Variants in ARHGEF4 observed in about 807,000 individuals in gnomAD.
ARHGEF4 encodes the protein APC-stimulated guanine nucleotide exchange factor 1.
Under a neutral mutation model 162.0 loss-of-function variants are expected in ARHGEF4, and 119 were observed. The observed-to-expected ratio is 0.73, with a 90% confidence interval of 0.63 to 0.86. The LOEUF is 0.86. Ranked by LOEUF, ARHGEF4 falls within the 40% of genes least tolerant of loss-of-function variation. ARHGEF4 has a pLI of 0.00. For synonymous variants in ARHGEF4, 1,014 were observed against 979.9 expected (o/e 1.03, Z -0.65); for missense variants, 2,488 against 2,456.0 (o/e 1.01, Z -0.28).
At chr2:130,851,776 CA>C (rs1681433400) in intron 1 of ARHGEF4, among the ~76,000 whole-genome samples, 1 of 152,226 alleles carries the variant, frequency 6.6e-6, no homozygotes, top group African/African-American at 2.4e-5. Flanking sequence ...ACACAGCCAG[CA>C]GGAAATGCAG....
chr2:130,938,795 T>C (rs1452018551), intron 3 of ARHGEF4, among the ~76,000 whole-genome samples: 1 of 152,234 alleles, frequency 6.6e-6, no homozygotes, highest in Non-Finnish European at 1.5e-5. Flanking sequence ...TTTGGCATCA[T>C]GTCTAAAAAC....
chr2:130,967,995 G>C (rs1685111249), intron 4 of ARHGEF4, among the ~76,000 whole-genome samples: 1 of 152,170 alleles, frequency 6.6e-6, no homozygotes, highest in African/African-American at 2.4e-5. Flanking sequence ...TTGGTGTTCA[G>C]GGTGGAGGTC....
Position 131,040,266 on chromosome 2 carries a change from C to A in ARHGEF4, c.4488C>A (p.Tyr1496Ter). 1 of 1,612,462 alleles carries A rather than the reference C, an allele frequency of 6.2e-7. No individual in the cohort carries two copies. The highest frequency in any genetic ancestry group is 8.5e-7 in the Non-Finnish European group (1 of 1,179,528). Residue 1496 changes from tyrosine (Y) to a stop codon, truncating the protein, a stop_gained, in exon 8 of 14, where the codon TAC becomes TAA. Coordinates refer to ENST00000409359, the MANE Select transcript of ARHGEF4 (RefSeq NM_001367493.1). LOFTEE classifies it high-confidence loss of function. ...CTAACCACGTCCGCCCGCAGGGCTA[C>A]GTCCGGCAGTGCCGCAAGCGCGCAG... Reference protein sequence around the residue: ...IKHLRDICEGYVRQCRKRADM... With the variant: ...IKHLRDICEG
At position 130,919,225 on chromosome 2, in the gene ARHGEF4, G is replaced by A. The variant is rs570909033; in HGVS notation, c.3552+1727G>A. ...GGCATTGAGGTAATCTCTAGTTTGG[G>A]GTCTTTATAAATAACGCTTCAGCAG... is the stretch of plus-strand genomic sequence containing the variant. On this transcript the variant is annotated intron_variant, in intron 2 of 13. Transcript: ENST00000409359. 3.9e-5 allele frequency among the ~76,000 whole-genome samples: 6 copies of A among 152,200 alleles called. No homozygotes were observed. The East Asian group carries it at 1.2e-3, about 29-fold the overall frequency.
chr2:130,851,279 G>A (rs979541039), intron 1 of ARHGEF4, among the ~76,000 whole-genome samples: 1 of 152,256 alleles, frequency 6.6e-6, no homozygotes, highest in Non-Finnish European at 1.5e-5. Context: ...GGATGCATCT[G>A]TTGGTGGCGC....
intron 4 of ARHGEF4, among the ~76,000 whole-genome samples, chr2:131,020,042 A>G (rs1230875271): frequency 1.3e-5 from 2 of 152,180 alleles, no homozygotes; most frequent in Non-Finnish European, 2.9e-5. Context: ...GTGTTAATTT[A>G]TATTCTGTAG....
chr2:131,043,791 C>A, intron 11 of ARHGEF4: 1 of 626,006 alleles, frequency 1.6e-6, no homozygotes, highest in Non-Finnish European at 2.7e-6. Flanking sequence ...CTGACCAGGC[C>A]GGGTGCTGTT....
intron 12 of ARHGEF4, among the ~76,000 whole-genome samples, 154 bp downstream of exon 12, chr2:131,044,696 T>C (rs1691099784): frequency 6.6e-6 from 1 of 152,274 alleles, no homozygotes; most frequent in East Asian, 1.9e-4. Context: ...GTCATGAGCA[T>C]AAGGCTTTGC....
At chr2:131,046,008 C>T in intron 13 of ARHGEF4, 30 bp from the exon 14 acceptor site, 1 of 1,595,168 alleles carries the variant, frequency 6.3e-7, no homozygotes. Context: ...CCTGGGCACC[C>T]ATGACCCTCT....
At chr2:130,988,588 C>T (rs978969081) in intron 4 of ARHGEF4, among the ~76,000 whole-genome samples, 15 of 152,024 alleles carry the variant, frequency 9.9e-5, no homozygotes, top group African/African-American at 1.9e-4. Context: ...TGTGTATATG[C>T]TTTTTTTATG....
chr2:130,838,595 G>T (rs1443492421), intron 1 of ARHGEF4, among the ~76,000 whole-genome samples: 1 of 151,842 alleles, frequency 6.6e-6, no homozygotes, highest in Non-Finnish European at 1.5e-5. Flanking sequence ...GATAGAGCGA[G>T]ACTCCGTCTC....
intron 1 of ARHGEF4, among the ~76,000 whole-genome samples, chr2:130,849,867 G>A (rs1383559323): frequency 3.9e-5 from 6 of 152,228 alleles, no homozygotes. Flanking sequence ...ACCCAGCCTA[G>A]GATACACTTT....
rs540190082 is a variant in ARHGEF4 at position 130,915,834 on chromosome 2, G to A, written c.1888G>A (p.Ala630Thr). Residue 630 changes from alanine (A) to threonine (T), a missense_variant, in exon 2 of 14, where the codon GCC (alanine) becomes ACC (threonine). Transcript: ENST00000409359. The stretch of plus-strand genomic sequence containing the variant: ...CGGCGAGGCCTCGAGGGGCAGGGGC[G>A]CCCTCATCATTGTAGCTGTGGAGCA... ...AGGEASRGRG[A>T]LIIVAVEQKG... 498 of 1,533,660 alleles carry A rather than the reference G, an allele frequency of 3.2e-4. 4 individuals are homozygous for A. In the Middle Eastern group the frequency reaches 7.3e-3, roughly 22 times the overall value.
At chr2:130,887,932 T>C (rs1264907146) in intron 1 of ARHGEF4, among the ~76,000 whole-genome samples, 1 of 152,086 alleles carries the variant, frequency 6.6e-6, no homozygotes, top group East Asian at 1.9e-4. Flanking sequence ...TCCAGGGACA[T>C]GGTCTGTCAG....
rs1424443668 is a variant in ARHGEF4, at chr2:130,854,807, G to A, written c.39+17815G>A. 3.9e-5 allele frequency among the ~76,000 whole-genome samples: 6 copies of A among 152,216 alleles called. No individual in the cohort carries two copies. In the East Asian group the frequency reaches 1.2e-3, roughly 29 times the overall value. On this transcript the variant is annotated intron_variant, in intron 1 of 13. Coordinates refer to ENST00000409359, the MANE Select transcript of ARHGEF4 (RefSeq NM_001367493.1). The stretch of plus-strand genomic sequence containing the variant: ...TCTGATGCAGGGCTTCTGCCCAGGG[G>A]GAAAGGCAGGGCGTGCAGCTTTGCT...
At chr2:130,995,224 T>G (rs1221545052) in intron 4 of ARHGEF4, among the ~76,000 whole-genome samples, 1 of 152,256 alleles carries the variant, frequency 6.6e-6, no homozygotes, top group Non-Finnish European at 1.5e-5. Flanking sequence ...CTTGCTGTCC[T>G]TTTGTCTCTG....
At position 130,917,080 on chromosome 2, in the gene ARHGEF4, G is replaced by T. The variant is rs542845027; in HGVS notation, c.3134G>T (p.Gly1045Val). 6.4e-7 allele frequency: 1 copy of T among 1,550,652 alleles called. No individual in the cohort carries two copies. The highest frequency in any genetic ancestry group is 1.4e-5 in the African/African-American group (1 of 73,152). Reference protein sequence around the residue: ...TQEGGRYLPSGIFPEKSWLAS... With the variant: ...TQEGGRYLPSVIFPEKSWLAS... ...GAAGGCGGTAGGTACCTACCTTCAG[G>T]TATCTTTCCGGAAAAGTCCTGGCTG... is the stretch of plus-strand genomic sequence containing the variant. Residue 1045 changes from glycine to valine, a missense_variant, in exon 2 of 14, where the codon GGT becomes GTT. Coordinates refer to ENST00000409359, the MANE Select transcript of ARHGEF4 (RefSeq NM_001367493.1).
chr2:130,850,469 C>G (rs1170369336), intron 1 of ARHGEF4, among the ~76,000 whole-genome samples: 2 of 152,234 alleles, frequency 1.3e-5, no homozygotes, highest in Admixed American at 6.5e-5. Context: ...GGGAGCCTCT[C>G]CAGCTGTCCA....
intron 1 of ARHGEF4, among the ~76,000 whole-genome samples, chr2:130,908,442 C>T (rs184498409): frequency 2.0e-5 from 3 of 152,182 alleles, no homozygotes; most frequent in Admixed American, 2.0e-4. Context: ...TTTGGGAGGC[C>T]GAGGCGGGTG....
Sources: gnomAD v4.1 joint callset for allele counts (sites outside exome capture counted in the v4.1 genomes callset) on GRCh38, gnomAD v4.1.1 for gene constraint, MANE v1.5 for transcripts, NCBI Gene and HGNC (gene_info 2026-07-23, HGNC 2026-07-21) for gene names.